FBLN2: variants seen among roughly 807,000 people sequenced by gnomAD.
FBLN2 encodes the protein fibulin 2.
FBLN2 carries 81 observed loss-of-function variants against 123.7 expected under a neutral mutation model. The observed-to-expected ratio is 0.65, with a 90% CI of 0.55 to 0.79. FBLN2 has a LOEUF of 0.79. Ranked by LOEUF, FBLN2 falls within the 30% of genes least tolerant of loss-of-function variation. The probability of loss-of-function intolerance (pLI) is 0.00; values close to 1 mark genes in which losing one functional copy is unlikely to be tolerated. For missense variants in FBLN2, 1,603 were observed against 1,681.3 expected (o/e 0.95, Z 0.81); for synonymous variants, 699 against 701.4 (o/e 1.00, Z 0.05).
chr3:13,608,434 A>G (rs1705280530), intron 3 of FBLN2, among the ~76,000 whole-genome samples: 1 of 152,250 alleles, frequency 6.6e-6, no homozygotes, highest in South Asian at 2.1e-4. Flanking sequence ...GGAATGTACA[A>G]TTTGAAACAA....
At chr3:13,616,003 G>A (rs1488151136) in intron 5 of FBLN2, among the ~76,000 whole-genome samples, 1 of 152,226 alleles carries the variant, frequency 6.6e-6, no homozygotes, top group African/African-American at 2.4e-5. Context: ...CTCATATCCT[G>A]TGTGGTACAG....
intron 9 of FBLN2, among the ~76,000 whole-genome samples, chr3:13,625,519 A>T (rs1392631142): frequency 6.6e-6 from 1 of 151,966 alleles, no homozygotes; most frequent in Non-Finnish European, 1.5e-5. Flanking sequence ...TCAAACTCTC[A>T]TGGCCAGCAG....
At chr3:13,628,872 C>T (rs769556024) in intron 11 of FBLN2, 33 bp from the exon 12 acceptor site, 28 of 1,602,872 alleles carry the variant, frequency 1.7e-5, no homozygotes, top group East Asian at 2.3e-5. Context: ...GACACCATGC[C>T]GGGCTCCCTG....
intron 2 of FBLN2, 45 bp downstream of exon 2, chr3:13,571,706 G>A: frequency 6.8e-7 from 1 of 1,476,302 alleles, no homozygotes; most frequent in Non-Finnish European, 9.0e-7. Flanking sequence ...GTGTGGGAAG[G>A]GCAGCCTTGG....
chr3:13,615,371 C>T (rs1431759788), intron 5 of FBLN2, among the ~76,000 whole-genome samples: 4 of 152,228 alleles, frequency 2.6e-5, no homozygotes, highest in Admixed American at 1.3e-4. Context: ...TTCGCTGTTC[C>T]TATGGACCGT....
At position 13,637,697 on chromosome 3, in the gene FBLN2, C is replaced by T. The variant is rs771785729; in HGVS notation, c.3474C>T (p.Ala1158=). 6.2e-7 allele frequency: 1 copy of T among 1,614,016 alleles called. No homozygotes were observed. Among genetic ancestry groups the T allele is most frequent in the South Asian group, 1.1e-5 (1 of 91,080 alleles). Residue 1158 remains alanine, a synonymous_variant, in exon 18 of 18, where the codon GCC becomes GCT. Transcript: ENST00000404922. ...AHIFRIGPAP[A]FTGDTIALNI... ...TCTTCCGCATTGGCCCCGCGCCAGC[C>T]TTCACGGGGGACACCATCGCCCTGA...
chr3:13,572,552 G>A (rs1457850728), intron 2 of FBLN2, among the ~76,000 whole-genome samples: 4 of 152,260 alleles, frequency 2.6e-5, no homozygotes, highest in African/African-American at 9.6e-5. Flanking sequence ...GCACATCAGA[G>A]CAGGCAGCCA....
At chr3:13,578,898 T>G (rs1410000318) in intron 2 of FBLN2, among the ~76,000 whole-genome samples, 1 of 151,560 alleles carries the variant, frequency 6.6e-6, no homozygotes, top group African/African-American at 2.4e-5. Context: ...CTACTAAAAA[T>G]AAAAAAATTA....
chr3:13,567,841 C>T (rs565390763), intron 1 of FBLN2, among the ~76,000 whole-genome samples: 16 of 152,232 alleles, frequency 1.1e-4, no homozygotes, highest in African/African-American at 3.6e-4. Flanking sequence ...GCCTGTAGTT[C>T]CACCTACTCA....
rs1476684290 is a variant in FBLN2, at chr3:13,630,723, G to A, written c.2993G>A (p.Arg998His). 2 of 1,608,138 alleles carry A rather than the reference G, an allele frequency of 1.2e-6. No homozygotes were observed. Among genetic ancestry groups the A allele is most frequent in the Non-Finnish European group, 1.7e-6 (2 of 1,177,572 alleles). Residue 998 changes from arginine to histidine, a missense_variant, in exon 15 of 18, where the codon CGC becomes CAC. By Grantham distance (29) the Arg-to-His change is conservative. Coordinates refer to ENST00000404922, the MANE Select transcript of FBLN2 (RefSeq NM_001004019.2). ...CEDVNECEAQ[R>H]CSQECANIYG... The stretch of plus-strand genomic sequence containing the variant: ...GACGTGAATGAGTGTGAGGCCCAGC[G>A]CTGCAGCCAGGAGTGTGCCAACATC...
intron 15 of FBLN2, among the ~76,000 whole-genome samples, chr3:13,631,034 C>A (rs1265313476): frequency 6.6e-6 from 1 of 152,170 alleles, no homozygotes; most frequent in African/African-American, 2.4e-5. Flanking sequence ...GAAGAATGGT[C>A]CTGACTTCAG....
At chr3:13,570,221 C>T in intron 1 of FBLN2, 94 bp from the exon 2 acceptor site, 1 of 1,366,538 alleles carries the variant, frequency 7.3e-7, no homozygotes, top group Non-Finnish European at 9.6e-7. Flanking sequence ...TGTGAGGTGG[C>T]TGAGGCTGGG....
chr3:13,571,321 GAGGGCAGAAGCTGGGGCA>G lies in FBLN2; in HGVS notation c.988_1005del (p.Ala330_Arg335del), dbSNP rs745862972. ...GACCCAGTCTTCCTATCCAGGAGGAGAGGGCAGAAGCTGGGGCAAGGGCAGAAGCTGGGGCAAGGCCTG... is the reference window on the plus strand; with the variant it reads ...GACCCAGTCTTCCTATCCAGGAGGAGAGGGCAGAAGCTGGGGCAAGGCCTG... On this transcript the variant is annotated inframe_deletion, in exon 2 of 18. Coordinates refer to ENST00000404922, the MANE Select transcript of FBLN2 (RefSeq NM_001004019.2). 82 of 1,603,186 alleles carry G rather than the reference GAGGGCAGAAGCTGGGGCA, an allele frequency of 5.1e-5. No individual in the cohort carries two copies. In the Admixed American group the frequency reaches 6.5e-4, roughly 13 times the overall value.
At position 13,630,768 on chromosome 3, in the gene FBLN2, A is replaced by G. The variant is rs752798970; in HGVS notation, c.3038A>G (p.Tyr1013Cys). ...AACATCTATGGCTCCTACCAGTGCT[A>G]CTGCCGCCAGGGCTACCAGCTGGCT... ...CANIYGSYQC[Y>C]CRQGYQLAED... The change falls in exon 15 of 18, where the codon TAC (tyrosine) becomes TGC (cysteine). Residue 1013 changes from tyrosine (Y) to cysteine (C), a missense_variant. Physicochemically the swap from Tyr to Cys is radical, Grantham distance 194. Transcript: ENST00000404922. The G allele has an allele frequency of 6.2e-7, 1 of 1,609,556 alleles. No homozygotes were observed. Among genetic ancestry groups the G allele is most frequent in the African/African-American group, 1.3e-5 (1 of 74,864 alleles).
intron 1 of FBLN2, among the ~76,000 whole-genome samples, chr3:13,561,429 C>T (rs982169263): frequency 1.3e-5 from 2 of 152,278 alleles, no homozygotes; most frequent in East Asian, 3.9e-4. Flanking sequence ...CCCCACCCCC[C>T]CGCCACCTCT....
At position 13,570,626 on chromosome 3, in the gene FBLN2, G is replaced by A. The variant is rs1405346549; in HGVS notation, c.271G>A (p.Val91Met). 1 of 1,580,530 alleles carries A rather than the reference G, an allele frequency of 6.3e-7. No homozygotes were observed. The highest frequency in any genetic ancestry group is 8.6e-7 in the Non-Finnish European group (1 of 1,164,544). ...CGTGCCCGCCGGTCAGTCCTATTTT[G>A]TGGACTTCGGGAGCACTGAGTGCTC... ...GRVPAGQSYF[V>M]DFGSTECSCP... The change falls in exon 2 of 18, where the codon GTG becomes ATG. Residue 91 changes from valine (V) to methionine (M), a missense_variant. By Grantham distance (21) the Val-to-Met change is conservative. Coordinates refer to ENST00000404922, the MANE Select transcript of FBLN2 (RefSeq NM_001004019.2).
intron 1 of FBLN2, among the ~76,000 whole-genome samples, chr3:13,565,801 C>T (rs1574946206): frequency 6.6e-6 from 1 of 152,182 alleles, no homozygotes; most frequent in Non-Finnish European, 1.5e-5. Context: ...GCCATATGGA[C>T]CTGGTACAGA....
At chr3:13,586,664 ATTT>A (rs539204519) in intron 2 of FBLN2, among the ~76,000 whole-genome samples, 4 of 124,816 alleles carry the variant, frequency 3.2e-5, no homozygotes, top group African/African-American at 3.2e-5. Context: ...TGCCCAGCTA[ATTT>A]TTTTTTTTTT....
intron 5 of FBLN2, among the ~76,000 whole-genome samples, chr3:13,614,387 C>T (rs1168985508): frequency 6.6e-6 from 1 of 152,090 alleles, no homozygotes; most frequent in East Asian, 1.9e-4. Flanking sequence ...CACTCACCAC[C>T]CTCCCCTCTC....
Sources: gnomAD v4.1 joint callset for allele counts (sites outside exome capture counted in the v4.1 genomes callset) on GRCh38, gnomAD v4.1.1 for gene constraint, MANE v1.5 for transcripts, NCBI Gene and HGNC (gene_info 2026-07-23, HGNC 2026-07-21) for gene names.